The following IFT81 variants were observed in gnomAD, a reference collection of about 807,000 sequenced individuals.
IFT81 encodes the protein intraflagellar transport protein 81 homolog.
A neutral mutation model predicts 102.6 loss-of-function variants in IFT81; 72 were observed. That is an observed-to-expected ratio of 0.70 (90% CI 0.58 to 0.85). The LOEUF (loss-of-function observed/expected upper bound fraction) is 0.85. Among genes scored for constraint, IFT81 ranks in the 40% least tolerant of loss-of-function variants. The pLI, the probability that IFT81 is intolerant of heterozygous loss-of-function variation, is 0.00. For synonymous variants in IFT81, 237 were observed against 242.7 expected (o/e 0.98, Z 0.22); for missense variants, 723 against 787.3 (o/e 0.92, Z 0.98).
Position 110,145,478 on chromosome 12 carries a change from G to T in IFT81, c.946-1475G>T, listed in dbSNP as rs112175229. On this transcript the variant is annotated intron_variant, in intron 9 of 18. Transcript: ENST00000242591. ...TTTTGAGATGGAGTGTAGCTCTGTT[G>T]CCCAGGCTGGAGTACAGTGGCGTGA... 2.7e-3 allele frequency among the ~76,000 whole-genome samples: 377 copies of T among 140,206 alleles called. 3 individuals are homozygous for T. Among genetic ancestry groups the T allele is most frequent in the African/African-American group, 9.0e-3 (339 of 37,600 alleles). 92.0% of individuals were successfully genotyped at this position (140,206 alleles called of 152,430 possible). A position where few individuals can be genotyped will look rare whatever the true frequency, so the allele number is the denominator to read the frequency against.
At chr12:110,173,912 T>C (rs970232171) in intron 11 of IFT81, among the ~76,000 whole-genome samples, 7 of 150,766 alleles carry the variant, frequency 4.6e-5, no homozygotes, top group African/African-American at 2.4e-5. Context: ...ACTATTGTCC[T>C]ATGACCCTGC....
chr12:110,139,356 GAAAA>G (rs1297879893), intron 8 of IFT81, among the ~76,000 whole-genome samples: 4 of 128,838 alleles, frequency 3.1e-5, no homozygotes, highest in Non-Finnish European at 5.1e-5. Context: ...AAAAAAAAAA[GAAAA>G]GGAAAAAAGA....
At chr12:110,180,739 G>A (rs920461302) in intron 12 of IFT81, among the ~76,000 whole-genome samples, 168 bp downstream of exon 12, 1 of 152,172 alleles carries the variant, frequency 6.6e-6, no homozygotes, top group Admixed American at 6.6e-5. Context: ...TTTTAATGTA[G>A]CAGTAAGCAC....
At chr12:110,147,297 T>C (rs1434838988) in intron 10 of IFT81, among the ~76,000 whole-genome samples, 1 of 152,224 alleles carries the variant, frequency 6.6e-6, no homozygotes. Context: ...ATAGAGCTAT[T>C]TGTGTTTGTA....
At chr12:110,173,251 G>A (rs536676360) in intron 11 of IFT81, among the ~76,000 whole-genome samples, 18 of 142,728 alleles carry the variant, frequency 1.3e-4, no homozygotes, top group East Asian at 4.3e-4. Flanking sequence ...CGCCCCGTCC[G>A]GGAGGTGAGG....
intron 14 of IFT81, among the ~76,000 whole-genome samples, chr12:110,199,547 C>CA (rs1898166105): frequency 6.6e-6 from 1 of 151,858 alleles, no homozygotes; most frequent in South Asian, 2.1e-4. Flanking sequence ...GATTTGCGAC[C>CA]AAAAAAAGGA....
At chr12:110,147,744 G>C (rs183314701) in intron 10 of IFT81, among the ~76,000 whole-genome samples, 1 of 152,276 alleles carries the variant, frequency 6.6e-6, no homozygotes, top group African/African-American at 2.4e-5. Context: ...ATGTGTCCCT[G>C]AGCTACAGGG....
At position 110,135,222 on chromosome 12, in the gene IFT81, C is replaced by T. The variant is rs938679162; in HGVS notation, c.586-105C>T. 10 of 770,458 alleles carry T rather than the reference C, an allele frequency of 1.3e-5. 1 individual carries two copies. In the South Asian group the frequency reaches 1.6e-4, roughly 12 times the overall value. The allele number at this position is 770,458 out of a possible 1,614,324, so 47.7% of individuals were successfully genotyped here. A position where few individuals can be genotyped will look rare whatever the true frequency, so the allele number is the denominator to read the frequency against. ...GCTTTACTGTCATCTCTAGGGAGTACTGTTTACCAAAAGGAAATGATAAGT... is the reference window on the plus strand; with the variant it reads ...GCTTTACTGTCATCTCTAGGGAGTATTGTTTACCAAAAGGAAATGATAAGT... On this transcript the variant is annotated intron_variant, in intron 6 of 18. Coordinates refer to ENST00000242591, the MANE Select transcript of IFT81 (RefSeq NM_014055.4).
intron 14 of IFT81, among the ~76,000 whole-genome samples, chr12:110,196,829 T>TA (rs1898021469): frequency 1.3e-5 from 2 of 152,238 alleles, no homozygotes; most frequent in South Asian, 4.1e-4. Context: ...CCAGCTTTCT[T>TA]ATGATTAGTA....
At chr12:110,185,917 G>C (rs879767146) in intron 12 of IFT81, among the ~76,000 whole-genome samples, 1 of 151,984 alleles carries the variant, frequency 6.6e-6, no homozygotes, top group Non-Finnish European at 1.5e-5. Flanking sequence ...GATTTAAATC[G>C]TACATGATAT....
chr12:110,176,872 A>AAT (rs1381455276), intron 11 of IFT81, among the ~76,000 whole-genome samples: 1 of 152,260 alleles, frequency 6.6e-6, no homozygotes, highest in Non-Finnish European at 1.5e-5. Context: ...AGCTTTTAAA[A>AAT]ATAGTTCTGG....
intron 11 of IFT81, among the ~76,000 whole-genome samples, chr12:110,178,147 C>G (rs960940538): frequency 1.3e-5 from 2 of 148,718 alleles, no homozygotes; most frequent in African/African-American, 2.5e-5. Flanking sequence ...GGCACAGTTG[C>G]TCATGCCTGT....
intron 14 of IFT81, among the ~76,000 whole-genome samples, chr12:110,198,315 A>T (rs1245812031): frequency 7.3e-5 from 11 of 151,252 alleles, no homozygotes; most frequent in Non-Finnish European, 1.0e-4. Context: ...GAAAAAAAAA[A>T]TTTTCATGCT....
chr12:110,207,957 T>A (rs1193853532), intron 17 of IFT81, among the ~76,000 whole-genome samples: 1 of 152,222 alleles, frequency 6.6e-6, no homozygotes, highest in Non-Finnish European at 1.5e-5. Context: ...AAATTTTTTT[T>A]TTAGCTTACA....
intron 18 of IFT81, chr12:110,216,816 A>G (rs1870199299): frequency 6.1e-6 from 2 of 325,664 alleles, no homozygotes; most frequent in East Asian, 1.9e-4. Context: ...AACTCCAAGC[A>G]TACCTGACAT....
intron 10 of IFT81, among the ~76,000 whole-genome samples, chr12:110,147,954 C>T (rs1305697616): frequency 3.3e-5 from 5 of 152,048 alleles, no homozygotes; most frequent in African/African-American, 4.8e-5. Context: ...TTCAGTCAGC[C>T]AGGAAATCAA....
chr12:110,149,471 A>C (rs1328432291), intron 10 of IFT81, among the ~76,000 whole-genome samples: 5 of 152,154 alleles, frequency 3.3e-5, no homozygotes, highest in Non-Finnish European at 1.5e-5. Context: ...TGTGTTAGTC[A>C]GCTCAATTAG....
intron 14 of IFT81, among the ~76,000 whole-genome samples, chr12:110,202,512 G>A (rs1040455108): frequency 8.6e-5 from 13 of 151,726 alleles, no homozygotes; most frequent in Admixed American, 6.6e-4. Context: ...GAGTGCAGTG[G>A]TGTGATCTCG....
At chr12:110,167,010 T>C (rs138279294) in intron 11 of IFT81, among the ~76,000 whole-genome samples, 362 of 152,238 alleles carry the variant, frequency 2.4e-3, no homozygotes, top group African/African-American at 8.2e-3. Context: ...AGTCATTTTC[T>C]TTTTAGAGGT....
Sources: allele counts gnomAD v4.1 joint callset (sites outside exome capture counted in the v4.1 genomes callset), GRCh38; gene constraint gnomAD v4.1.1; transcripts MANE v1.5; gene names NCBI Gene and HGNC (gene_info 2026-07-23, HGNC 2026-07-21).